CSMD1: variants seen among roughly 807,000 people sequenced by gnomAD.
CSMD1 encodes the protein CUB and sushi domain-containing protein 1.
In CSMD1, 213 loss-of-function variants were observed where a neutral mutation model predicts 417.5. The ratio of observed to expected loss-of-function variants is 0.51; its 90% CI spans 0.46 to 0.57. CSMD1 has a LOEUF of 0.57. Among genes scored for constraint, CSMD1 ranks in the 20% least tolerant of loss-of-function variants. The pLI, the probability that CSMD1 is intolerant of heterozygous loss-of-function variation, is 0.00. For synonymous variants in CSMD1, 2,862 were observed against 1,736.8 expected (o/e 1.65, Z -16.11); for missense variants, 6,923 against 4,529.7 (o/e 1.53, Z -15.17).
intron 3 of CSMD1, among the ~76,000 whole-genome samples, chr8:4,313,833 G>A (rs141737233): frequency 1.2e-4 from 18 of 152,064 alleles, no homozygotes; most frequent in African/African-American, 4.3e-4. Context: ...GACCAATATG[G>A]TGAAACCTCA....
chr8:3,668,921 G>C (rs1438892226), intron 7 of CSMD1, among the ~76,000 whole-genome samples: 1 of 152,186 alleles, frequency 6.6e-6, no homozygotes, highest in Non-Finnish European at 1.5e-5. Flanking sequence ...CTCAGCCATA[G>C]CTCTTTGAGA....
At chr8:3,780,791 T>A (rs894806193) in intron 5 of CSMD1, among the ~76,000 whole-genome samples, 4 of 152,206 alleles carry the variant, frequency 2.6e-5, no homozygotes, top group South Asian at 2.1e-4. Context: ...TAAAAGAAAG[T>A]AATTCAATCA....
At chr8:3,932,938 T>C (rs181858212) in intron 5 of CSMD1, among the ~76,000 whole-genome samples, 2 of 150,492 alleles carry the variant, frequency 1.3e-5, no homozygotes, top group Admixed American at 6.6e-5. Context: ...AAATCTTTTT[T>C]AAAAGTGTAT....
chr8:4,892,556 T>C (rs921027823), intron 1 of CSMD1, among the ~76,000 whole-genome samples: 1 of 152,118 alleles, frequency 6.6e-6, no homozygotes, highest in Admixed American at 6.5e-5. Context: ...GCGTTAGGTA[T>C]TGCCTAATTA....
At chr8:4,676,016 A>C (rs932705420) in intron 1 of CSMD1, among the ~76,000 whole-genome samples, 1 of 152,192 alleles carries the variant, frequency 6.6e-6, no homozygotes, top group African/African-American at 2.4e-5. Flanking sequence ...TTGGCCTTGC[A>C]GTTTTTGAAG....
intron 5 of CSMD1, among the ~76,000 whole-genome samples, chr8:3,963,711 A>T (rs1812485280): frequency 1.3e-5 from 2 of 152,192 alleles, no homozygotes; most frequent in South Asian, 4.1e-4. Context: ...TCGTAGACAA[A>T]CTGCAATAAT....
At chr8:4,991,062 GGTAA>G (rs1369069608) in intron 1 of CSMD1, among the ~76,000 whole-genome samples, 6 of 152,118 alleles carry the variant, frequency 3.9e-5, no homozygotes, top group South Asian at 4.2e-4. Flanking sequence ...ACGCTTTCTG[GGTAA>G]GTAATTGTCT....
intron 3 of CSMD1, among the ~76,000 whole-genome samples, chr8:4,305,890 G>A (rs972364315): frequency 6.6e-6 from 1 of 152,098 alleles, no homozygotes; most frequent in South Asian, 2.1e-4. Flanking sequence ...ATATGCAATT[G>A]TTCTCAAGCA....
At chr8:4,162,952 C>T (rs1797254572) in intron 3 of CSMD1, among the ~76,000 whole-genome samples, 1 of 152,174 alleles carries the variant, frequency 6.6e-6, no homozygotes, top group African/African-American at 2.4e-5. Flanking sequence ...TACAGTTCTG[C>T]CTTTTCCAAA....
chr8:4,806,526 T>A (rs1222689918), intron 1 of CSMD1, among the ~76,000 whole-genome samples: 3 of 152,204 alleles, frequency 2.0e-5, no homozygotes, highest in African/African-American at 7.2e-5. Context: ...GGAGCTCTTT[T>A]CCTGCCACCG....
At chr8:2,978,541 T>G in intron 55 of CSMD1, 71 bp downstream of exon 55, 3 of 1,232,714 alleles carry the variant, frequency 2.4e-6, no homozygotes, top group Non-Finnish European at 2.2e-6. Context: ...TTAAATATAC[T>G]TACGGAATTT....
At chr8:3,428,988 T>C (rs1214919431) in intron 12 of CSMD1, among the ~76,000 whole-genome samples, 1 of 152,126 alleles carries the variant, frequency 6.6e-6, no homozygotes, top group South Asian at 2.1e-4. Context: ...CTCAGAAAAC[T>C]GATCTCATTG....
At chr8:4,828,085 A>T (rs1207282185) in intron 1 of CSMD1, among the ~76,000 whole-genome samples, 1 of 152,120 alleles carries the variant, frequency 6.6e-6, no homozygotes, top group Non-Finnish European at 1.5e-5. Flanking sequence ...AATATTCTTC[A>T]GTCTTTTTTG....
At chr8:4,048,753 T>G (rs1171098552) in intron 3 of CSMD1, among the ~76,000 whole-genome samples, 1 of 152,202 alleles carries the variant, frequency 6.6e-6, no homozygotes, top group East Asian at 1.9e-4. Context: ...CTATATAAAA[T>G]GCAAAGCTGT....
Position 2,954,272 on chromosome 8 carries a change from C to T in CSMD1, c.9995-4G>A, listed in dbSNP as rs1802842444. On this transcript the variant is annotated splice_region_variant and splice_polypyrimidine_tract_variant and intron_variant, in intron 64 of 69. Coordinates refer to ENST00000635120, the MANE Select transcript of CSMD1 (RefSeq NM_033225.6). ...TTAACTTCTCTCACTCCTTTACCTA[C>T]AAGTAAAAAGACAAATTATCATTTT... 2 of 1,455,000 alleles carry T rather than the reference C, an allele frequency of 1.4e-6. No homozygotes were observed. Among genetic ancestry groups the T allele is most frequent in the Non-Finnish European group, 1.9e-6 (2 of 1,071,976 alleles). 90.1% of individuals were successfully genotyped at this position (1,455,000 alleles called of 1,614,324 possible). A position where few individuals can be genotyped will look rare whatever the true frequency, so the allele number is the denominator to read the frequency against.
At chr8:4,984,776 G>T (rs535307376) in intron 1 of CSMD1, among the ~76,000 whole-genome samples, 1 of 152,296 alleles carries the variant, frequency 6.6e-6, no homozygotes, top group Admixed American at 6.5e-5. Context: ...AAAACCCCCA[G>T]ATTCTTGCCA....
rs571627940 is a variant in CSMD1 at position 3,119,978 on chromosome 8, G to C, written c.6242-1391C>G. On this transcript the variant is annotated intron_variant, in intron 41 of 69. Coordinates refer to ENST00000635120, the MANE Select transcript of CSMD1 (RefSeq NM_033225.6). ...TCTGCAGAGGGGCCTTTTCTGTGGA[G>C]AATGAAGTGAAATGGAAATTTCAAT... is the stretch of plus-strand genomic sequence containing the variant. 7.0e-4 allele frequency among the ~76,000 whole-genome samples: 107 copies of C among 152,316 alleles called. 1 individual carries two copies. The highest frequency in any genetic ancestry group is 6.8e-3 in the South Asian group (33 of 4,820).
At chr8:3,641,579 A>G (rs1797310265) in intron 7 of CSMD1, among the ~76,000 whole-genome samples, 1 of 152,330 alleles carries the variant, frequency 6.6e-6, no homozygotes, top group South Asian at 2.1e-4. Context: ...TTCAGAAATC[A>G]TGATTTATGC....
chr8:4,146,706 A>C (rs1334008851), intron 3 of CSMD1, among the ~76,000 whole-genome samples: 1 of 132,808 alleles, frequency 7.5e-6, no homozygotes, highest in Non-Finnish European at 1.5e-5. Context: ...CCACCTCCCG[A>C]GTTCACGCCA....
Sources: allele counts gnomAD v4.1 joint callset (sites outside exome capture counted in the v4.1 genomes callset), GRCh38; gene constraint gnomAD v4.1.1; transcripts MANE v1.5; gene names NCBI Gene and HGNC (gene_info 2026-07-23, HGNC 2026-07-21).